PKHD1: variants seen among roughly 807,000 people sequenced by gnomAD.
PKHD1 encodes PKHD1 ciliary IPT domain containing fibrocystin/polyductin, also known as fibrocystin.
In PKHD1, 291 loss-of-function variants were observed where a neutral mutation model predicts 412.0. The observed-to-expected ratio is 0.71, with a 90% CI of 0.64 to 0.78. The LOEUF (loss-of-function observed/expected upper bound fraction) is 0.78, where lower values mean the gene tolerates loss of function less well. PKHD1 is among the 30% of genes least tolerant of loss of function. The pLI, the probability that PKHD1 is intolerant of heterozygous loss-of-function variation, is 0.00. For missense variants in PKHD1, 4,825 were observed against 4,950.7 expected, an observed-to-expected ratio of 0.97 and a Z score of 0.76; for synonymous variants, 1,777 against 1,821.5, an observed-to-expected ratio of 0.98 and a Z score of 0.62.
Position 51,746,757 on chromosome 6 carries a change from T to C in PKHD1, c.9962A>G (p.Asp3321Gly), listed in dbSNP as rs2150973795. ...TGAAGGAAAGTAGAACTTGTTTTTA[T>C]CTTTTATCTTTAGCATCCTGGTCCT... Reference protein sequence around the residue: ...AERTRMLKIKDKNKFYFPSLQ... With the variant: ...AERTRMLKIKGKNKFYFPSLQ... Residue 3321 changes from aspartate (D) to glycine (G), a missense_variant, in exon 59 of 67, where the codon GAT becomes GGT. By Grantham distance (94) the Asp-to-Gly change is moderately conservative. Transcript: ENST00000371117. 1 of 1,610,490 alleles carries C rather than the reference T, an allele frequency of 6.2e-7. No individual in the cohort carries two copies. Among genetic ancestry groups the C allele is most frequent in the Non-Finnish European group, 8.5e-7 (1 of 1,176,860 alleles).
chr6:51,722,845 CAG>C (rs1291411105), intron 60 of PKHD1, among the ~76,000 whole-genome samples: 5 of 152,108 alleles, frequency 3.3e-5, no homozygotes, highest in Non-Finnish European at 7.4e-5. Context: ...GACTTCCTCT[CAG>C]GGTGGAGAAG....
chr6:52,000,145 G>C (rs947154706), intron 35 of PKHD1, among the ~76,000 whole-genome samples: 2 of 152,156 alleles, frequency 1.3e-5, no homozygotes, highest in South Asian at 2.1e-4. Flanking sequence ...TTCACATTCT[G>C]TTACTAAGGA....
At chr6:52,018,242 T>A (rs1248835561) in intron 33 of PKHD1, among the ~76,000 whole-genome samples, 1 of 152,202 alleles carries the variant, frequency 6.6e-6, no homozygotes, top group Admixed American at 6.5e-5. Context: ...ACTAAAAACG[T>A]ACAAAATTTC....
intron 43 of PKHD1, among the ~76,000 whole-genome samples, chr6:51,890,564 A>G (rs1778950208): frequency 6.6e-6 from 1 of 152,126 alleles, no homozygotes. Context: ...AAAAAAGTGA[A>G]TTAATCCTTA....
chr6:51,650,024 A>C (rs1467258697), intron 61 of PKHD1, among the ~76,000 whole-genome samples: 1 of 152,170 alleles, frequency 6.6e-6, no homozygotes, highest in Non-Finnish European at 1.5e-5. Flanking sequence ...ATATGAAGAA[A>C]CTGAGGTCCA....
intron 52 of PKHD1, among the ~76,000 whole-genome samples, chr6:51,793,461 A>G (rs1467132092): frequency 6.6e-6 from 1 of 152,146 alleles, no homozygotes; most frequent in Non-Finnish European, 1.5e-5. Flanking sequence ...TCCCATCACT[A>G]AGGTATTAAA....
chr6:51,883,815 G>T (rs760281967), intron 45 of PKHD1, among the ~76,000 whole-genome samples: 1 of 152,258 alleles, frequency 6.6e-6, no homozygotes, highest in South Asian at 2.1e-4. Context: ...CTTAATCCCT[G>T]ATATAACAGT....
At chr6:51,975,205 A>G (rs1173587997) in intron 35 of PKHD1, among the ~76,000 whole-genome samples, 2 of 152,148 alleles carry the variant, frequency 1.3e-5, no homozygotes, top group African/African-American at 2.4e-5. Flanking sequence ...CTTTGTTTTT[A>G]CTTAGGAGAA....
chr6:51,700,253 T>C (rs1390696145), intron 60 of PKHD1, among the ~76,000 whole-genome samples: 2 of 152,030 alleles, frequency 1.3e-5, no homozygotes, highest in Admixed American at 6.6e-5. Context: ...AAATTTAGAA[T>C]GCAGACAGAA....
intron 53 of PKHD1, among the ~76,000 whole-genome samples, chr6:51,776,964 G>A (rs566329780): frequency 5.4e-4 from 82 of 152,090 alleles, no homozygotes; most frequent in African/African-American, 1.8e-3. Flanking sequence ...TAGTTTCAAT[G>A]GAACATATGT....
At chr6:51,677,862 T>A (rs1013427288) in intron 60 of PKHD1, among the ~76,000 whole-genome samples, 6 of 152,128 alleles carry the variant, frequency 3.9e-5, no homozygotes, top group Admixed American at 3.9e-4. Flanking sequence ...TTTTACTTTT[T>A]TAAATTCAAA....
At chr6:51,915,742 G>A (rs1002321901) in intron 37 of PKHD1, among the ~76,000 whole-genome samples, 2 of 151,968 alleles carry the variant, frequency 1.3e-5, no homozygotes, top group South Asian at 2.1e-4. Context: ...CAGGGATGAG[G>A]CAGCCCCTAC....
At chr6:52,035,828 G>A in intron 27 of PKHD1, 107 bp from the exon 28 acceptor site, 1 of 1,157,226 alleles carries the variant, frequency 8.6e-7, no homozygotes, top group Non-Finnish European at 1.3e-6. Flanking sequence ...AAACTCCTTA[G>A]TCAAAACAAA....
chr6:51,919,508 A>G (rs916144120), intron 37 of PKHD1, among the ~76,000 whole-genome samples: 4 of 152,206 alleles, frequency 2.6e-5, no homozygotes, highest in Non-Finnish European at 5.9e-5. Flanking sequence ...TGGTACAAGT[A>G]CCATGCTGTT....
At chr6:51,626,126 A>G (rs1177036375) in intron 66 of PKHD1, among the ~76,000 whole-genome samples, 1 of 152,120 alleles carries the variant, frequency 6.6e-6, no homozygotes, top group African/African-American at 2.4e-5. Flanking sequence ...ACACACACAC[A>G]CCCACATAAA....
chr6:51,794,361 C>T (rs1394613650), intron 52 of PKHD1, among the ~76,000 whole-genome samples: 1 of 151,888 alleles, frequency 6.6e-6, no homozygotes, highest in African/African-American at 2.4e-5. Flanking sequence ...TGTTCTTTGC[C>T]CACTTTTTAA....
At chr6:51,822,397 G>A (rs964716664) in intron 52 of PKHD1, among the ~76,000 whole-genome samples, 18 of 152,022 alleles carry the variant, frequency 1.2e-4, no homozygotes, top group African/African-American at 3.6e-4. Context: ...CTCCATCATC[G>A]TGGTATTGCT....
At chr6:51,665,806 A>G (rs1292135188) in intron 60 of PKHD1, among the ~76,000 whole-genome samples, 1 of 152,188 alleles carries the variant, frequency 6.6e-6, no homozygotes, top group African/African-American at 2.4e-5. Context: ...TGGATGACTG[A>G]CACAGTAAGC....
intron 53 of PKHD1, among the ~76,000 whole-genome samples, chr6:51,781,920 A>C (rs1792079699): frequency 6.6e-6 from 1 of 151,740 alleles, no homozygotes; most frequent in African/African-American, 2.4e-5. Context: ...CAGAAAACAC[A>C]AAGTTTACCT....
Sources: gnomAD v4.1 joint callset for allele counts (sites outside exome capture counted in the v4.1 genomes callset) on GRCh38, gnomAD v4.1.1 for gene constraint, MANE v1.5 for transcripts, NCBI Gene and HGNC (gene_info 2026-07-23, HGNC 2026-07-21) for gene names.